CDK8: variants seen among roughly 807,000 people sequenced by gnomAD.
CDK8 encodes cyclin dependent kinase 8, also known as cyclin-dependent kinase 8.
CDK8 carries 29 observed loss-of-function variants against 71.5 expected under a neutral mutation model. That is an observed-to-expected ratio of 0.41 (90% CI 0.30 to 0.55). The LOEUF (loss-of-function observed/expected upper bound fraction) is 0.55. Among genes scored for constraint, CDK8 ranks in the 20% least tolerant of loss-of-function variants. The pLI is 0.37. For synonymous variants in CDK8, 161 were observed against 192.1 expected, an observed-to-expected ratio of 0.84 and a Z score of 1.34; for missense variants, 288 against 572.6, an observed-to-expected ratio of 0.50 and a Z score of 5.07.
chr13:26,268,256 A>AACACACAC (rs3027999), intron 1 of CDK8, among the ~76,000 whole-genome samples: 1,174 of 116,750 alleles, frequency 0.01, 55 homozygotes, highest in African/African-American at 0.036. Flanking sequence ...CCCCTCCCCC[A>AACACACAC]ACACACACAC....
intron 1 of CDK8, among the ~76,000 whole-genome samples, chr13:26,278,505 T>C (rs1383645046): frequency 6.6e-6 from 1 of 152,160 alleles, no homozygotes; most frequent in Non-Finnish European, 1.5e-5. Context: ...TTGGCTTGAA[T>C]AATTGACTCC....
At chr13:26,283,754 C>G (rs147601970) in intron 1 of CDK8, among the ~76,000 whole-genome samples, 1 of 151,574 alleles carries the variant, frequency 6.6e-6, no homozygotes, top group African/African-American at 2.4e-5. Flanking sequence ...AAAAATTAGC[C>G]AGCCGTGGTG....
At chr13:26,285,820 C>G (rs1232311798) in intron 1 of CDK8, among the ~76,000 whole-genome samples, 1 of 152,160 alleles carries the variant, frequency 6.6e-6, no homozygotes, top group Non-Finnish European at 1.5e-5. Context: ...GTACACAAAT[C>G]AGAAGCATTG....
intron 1 of CDK8, among the ~76,000 whole-genome samples, chr13:26,262,473 G>A (rs901218203): frequency 3.3e-5 from 5 of 152,196 alleles, no homozygotes; most frequent in South Asian, 2.1e-4. Context: ...GGCATATTAC[G>A]GGAAGAGTAG....
chr13:26,374,045 C>CA (rs1212701016), intron 4 of CDK8, among the ~76,000 whole-genome samples: 1 of 91,296 alleles, frequency 1.1e-5, no homozygotes, highest in Non-Finnish European at 2.3e-5. Flanking sequence ...AAACAAAAAA[C>CA]AAAAAATTAG....
In CDK8 at chr13:26,272,822, G is replaced by A. The variant is rs1346815924; in HGVS notation, c.128+18053G>A. ...TGGCTACAGTGTCACTAGGTGAGAA[G>A]AATTTTTCAGCTCTATTTTAATCTT... is the stretch of plus-strand genomic sequence containing the variant. On this transcript the variant is annotated intron_variant, in intron 1 of 12. Transcript: ENST00000381527. Among the ~76,000 whole-genome samples the A allele has an allele frequency of 4.6e-5, 7 of 152,190 alleles. No homozygotes were observed. In the East Asian group the frequency reaches 1.3e-3, roughly 29 times the overall value.
At chr13:26,296,039 G>C (rs1263910806) in intron 1 of CDK8, among the ~76,000 whole-genome samples, 1 of 152,066 alleles carries the variant, frequency 6.6e-6, no homozygotes, top group East Asian at 1.9e-4. Flanking sequence ...AAAGGATTAT[G>C]ATTAGAGTCT....
rs1389437545 is a variant in CDK8, at chr13:26,401,929, T to G, written c.1269+305T>G. On this transcript the variant is annotated intron_variant, in intron 12 of 12. Coordinates refer to ENST00000381527, the MANE Select transcript of CDK8 (RefSeq NM_001260.3). The surrounding 1 kb of genome is among the most constrained non-coding windows in gnomAD (Gnocchi z 4.5). ...TAAAATGAAACTAGTAAAACCTAAC[T>G]TGCAGCTGTTGTCAGATTAGACATG... is the stretch of plus-strand genomic sequence containing the variant. Among the ~76,000 whole-genome samples, 1 of 152,148 alleles carries G rather than the reference T, an allele frequency of 6.6e-6. No individual in the cohort carries two copies. The highest frequency in any genetic ancestry group is 1.5e-5 in the Non-Finnish European group (1 of 68,024).
At chr13:26,374,397 T>C (rs997491045) in intron 4 of CDK8, among the ~76,000 whole-genome samples, 1 of 152,176 alleles carries the variant, frequency 6.6e-6, no homozygotes, top group African/African-American at 2.4e-5. Flanking sequence ...GTATATTAAA[T>C]GTATATAAGA....
intron 6 of CDK8, among the ~76,000 whole-genome samples, chr13:26,387,391 T>A (rs1875530744): frequency 6.6e-6 from 1 of 152,200 alleles, no homozygotes; most frequent in African/African-American, 2.4e-5. Context: ...GAGAACTTTG[T>A]ATAAATCATG....
chr13:26,307,569 TC>T (rs1307881897), intron 1 of CDK8, among the ~76,000 whole-genome samples: 1 of 152,182 alleles, frequency 6.6e-6, no homozygotes, highest in Non-Finnish European at 1.5e-5. Flanking sequence ...ATGCTGCACT[TC>T]CTACCCATAA....
chr13:26,372,421 G>C (rs2031807), intron 4 of CDK8, among the ~76,000 whole-genome samples: 144,103 of 152,270 alleles, frequency 0.95, 68,230 homozygotes, highest in East Asian at 1. Context: ...AATAATAGAT[G>C]ATAAAAGCCA....
chr13:26,349,204 CA>C (rs753559859), intron 3 of CDK8, 22 bp downstream of exon 3: 1 of 1,249,860 alleles, frequency 8.0e-7, no homozygotes, highest in African/African-American at 1.5e-5. Flanking sequence ...TGCTGGCAGA[CA>C]TGAGCAAACA....
At chr13:26,372,514 A>G (rs1389934866) in intron 4 of CDK8, among the ~76,000 whole-genome samples, 1 of 152,238 alleles carries the variant, frequency 6.6e-6, no homozygotes, top group Non-Finnish European at 1.5e-5. Context: ...GTTTGTGTGT[A>G]TAAACATGTA....
intron 1 of CDK8, among the ~76,000 whole-genome samples, chr13:26,334,808 G>T (rs9319294): frequency 6.6e-6 from 1 of 152,208 alleles, no homozygotes; most frequent in Non-Finnish European, 1.5e-5. Context: ...GTGCTATCAC[G>T]TCTGCCCTTC....
intron 1 of CDK8, among the ~76,000 whole-genome samples, chr13:26,301,212 CTTTTT>C (rs36054795): frequency 3.2e-5 from 3 of 92,894 alleles, no homozygotes; most frequent in African/African-American, 4.2e-5. Context: ...TATCAGTAGA[CTTTTT>C]TTTTTTTTTT....
chr13:26,342,481 T>G (rs1270333039), intron 2 of CDK8, among the ~76,000 whole-genome samples: 1 of 152,184 alleles, frequency 6.6e-6, no homozygotes, highest in East Asian at 1.9e-4. Flanking sequence ...ACAAGTTATT[T>G]GATTTCTTTG....
intron 6 of CDK8, among the ~76,000 whole-genome samples, chr13:26,389,193 C>T (rs1353744406): frequency 2.6e-5 from 4 of 152,092 alleles, no homozygotes; most frequent in South Asian, 2.1e-4. Flanking sequence ...GACAGAGTCT[C>T]GCTCTGTCAC....
At chr13:26,347,525 A>G (rs1057257801) in intron 2 of CDK8, among the ~76,000 whole-genome samples, 2 of 152,198 alleles carry the variant, frequency 1.3e-5, no homozygotes, top group Non-Finnish European at 2.9e-5. Context: ...AGTTTTATAA[A>G]TCATATATTT....
Sources: allele counts gnomAD v4.1 joint callset (sites outside exome capture counted in the v4.1 genomes callset), GRCh38; gene constraint gnomAD v4.1.1; non-coding constraint Gnocchi (gnomAD v3.1); transcripts MANE v1.5; gene names NCBI Gene and HGNC (gene_info 2026-07-23, HGNC 2026-07-21).